The following GFRA1 variants were observed in gnomAD, a reference collection of about 807,000 sequenced individuals.
GFRA1 encodes the protein GDNF family receptor alpha-1.
In GFRA1, 16 loss-of-function variants were observed where a neutral mutation model predicts 51.6. That is an observed-to-expected ratio of 0.31 (90% CI 0.21 to 0.47). The LOEUF is 0.47. Among genes scored for constraint, GFRA1 ranks in the 20% least tolerant of loss-of-function variants. The pLI, the probability that GFRA1 is intolerant of heterozygous loss-of-function variation, is 1.00. For missense variants in GFRA1, 530 were observed against 594.3 expected, an observed-to-expected ratio of 0.89 and a Z score of 1.13; for synonymous variants, 270 against 241.3, an observed-to-expected ratio of 1.12 and a Z score of -1.10.
intron 5 of GFRA1, among the ~76,000 whole-genome samples, chr10:116,206,922 G>A (rs1159517677): frequency 6.6e-6 from 1 of 152,074 alleles, no homozygotes; most frequent in Non-Finnish European, 1.5e-5. Context: ...GTGAGCCACC[G>A]CACCCGGCCT....
chr10:116,168,136 A>G (rs929024468), intron 5 of GFRA1, among the ~76,000 whole-genome samples: 1 of 115,114 alleles, frequency 8.7e-6, no homozygotes, highest in Non-Finnish European at 1.8e-5. Flanking sequence ...ACCTTCAAAA[A>G]CCAGGGAATT....
intron 5 of GFRA1, among the ~76,000 whole-genome samples, chr10:116,200,856 A>C (rs980432978): frequency 6.6e-6 from 1 of 152,198 alleles, no homozygotes; most frequent in Non-Finnish European, 1.5e-5. Context: ...AAAACATTTA[A>C]GTTTATACCA....
chr10:116,188,547 G>A (rs1962946752), intron 5 of GFRA1, among the ~76,000 whole-genome samples: 1 of 152,120 alleles, frequency 6.6e-6, no homozygotes, highest in Admixed American at 6.6e-5. Flanking sequence ...TGGTGGTGAT[G>A]GCTGCACAAC....
intron 5 of GFRA1, among the ~76,000 whole-genome samples, chr10:116,207,708 T>A (rs189816933): frequency 2.2e-4 from 33 of 152,210 alleles, no homozygotes; most frequent in Non-Finnish European, 8.8e-5. Context: ...AAGACACATA[T>A]AGGAATATTT....
rs45568534 is a variant in GFRA1 at position 116,272,222 on chromosome 10, G to C, written c.-193C>G. ...CACCGCCGCCGGCGACTCAGCTCCG[G>C]GATGGCGAGGGCGGGAGGCGGTTCC... On this transcript the variant is annotated 5_prime_UTR_variant, in exon 2 of 11. Coordinates refer to ENST00000355422, the MANE Select transcript of GFRA1 (RefSeq NM_005264.8). The surrounding 1 kb of genome is among the most constrained non-coding windows in gnomAD (Gnocchi z 4.4). 0.025 allele frequency: 15,785 copies of C among 628,662 alleles called. 295 individuals are homozygous for C. The highest frequency in any genetic ancestry group is 0.047 in the Middle Eastern group (109 of 2,342). The allele number at this position is 628,662 out of a possible 1,614,324, so 38.9% of individuals were successfully genotyped here.
intron 5 of GFRA1, among the ~76,000 whole-genome samples, chr10:116,155,517 G>C (rs1959182999): frequency 2.0e-5 from 3 of 152,152 alleles, no homozygotes; most frequent in African/African-American, 7.2e-5. Context: ...CCACAACCCA[G>C]AACAGATACA....
intron 5 of GFRA1, among the ~76,000 whole-genome samples, chr10:116,147,458 T>C (rs1958855236): frequency 6.6e-6 from 1 of 152,102 alleles, no homozygotes; most frequent in Non-Finnish European, 1.5e-5. Flanking sequence ...CCTTTTTTTT[T>C]CCTGGAAGAC....
intron 5 of GFRA1, among the ~76,000 whole-genome samples, chr10:116,160,310 A>G (rs931651405): frequency 6.6e-6 from 1 of 152,284 alleles, no homozygotes; most frequent in Non-Finnish European, 1.5e-5. Context: ...TTGTCAAATT[A>G]TACTCCAAAA....
rs1186423297 is a variant in GFRA1 at position 116,063,480 on chromosome 10, T to C, written c.*918A>G. 2.0e-5 allele frequency: 3 copies of C among 152,160 alleles called. No individual in the cohort carries two copies. The highest frequency in any genetic ancestry group is 4.4e-5 in the Non-Finnish European group (3 of 68,034). 9.4% of individuals were successfully genotyped at this position (152,160 alleles called of 1,614,324 possible). A position where few individuals can be genotyped will look rare whatever the true frequency, so the allele number is the denominator to read the frequency against. ...GCTCTGTGTATTTTGTATTAAACCA[T>C]CAGTAAAAAAATGAGACAATATCAT... On this transcript the variant is annotated 3_prime_UTR_variant, in exon 11 of 11. Transcript: ENST00000355422.
At chr10:116,079,472 T>C (rs1955757603) in intron 9 of GFRA1, among the ~76,000 whole-genome samples, 1 of 148,890 alleles carries the variant, frequency 6.7e-6, no homozygotes, top group Admixed American at 6.6e-5. Flanking sequence ...AAAGCCCCCA[T>C]TTTCCTTGTT....
At chr10:116,106,479 C>G (rs1409757858) in intron 6 of GFRA1, among the ~76,000 whole-genome samples, 1 of 152,220 alleles carries the variant, frequency 6.6e-6, no homozygotes, top group Admixed American at 6.5e-5. Context: ...AAATCTCACG[C>G]TGAAACGTGA....
chr10:116,134,152 G>C (rs1958221616), intron 5 of GFRA1, among the ~76,000 whole-genome samples: 1 of 152,190 alleles, frequency 6.6e-6, no homozygotes, highest in Admixed American at 6.5e-5. Flanking sequence ...GATTTACGAA[G>C]CAAAAATTCA....
At chr10:116,128,604 T>C (rs1251380949) in intron 5 of GFRA1, among the ~76,000 whole-genome samples, 2 of 151,832 alleles carry the variant, frequency 1.3e-5, no homozygotes, top group Non-Finnish European at 2.9e-5. Context: ...CGGGCGCCTG[T>C]AGTCCCAGCT....
At chr10:116,065,688 C>G in intron 9 of GFRA1, 62 bp from the exon 10 acceptor site, 1 of 1,308,194 alleles carries the variant, frequency 7.6e-7, no homozygotes, top group Non-Finnish European at 1.1e-6. Flanking sequence ...ACTGATGATC[C>G]ATCAGTCAGC....
chr10:116,199,011 T>C (rs60900338), intron 5 of GFRA1, among the ~76,000 whole-genome samples: 5,976 of 152,218 alleles, frequency 0.039, 392 homozygotes, highest in African/African-American at 0.13. Context: ...ATGGGAGTGA[T>C]GCAGCCACAG....
Position 116,093,853 on chromosome 10 carries a change from A to G in GFRA1, c.881-17T>C. The G allele has an allele frequency of 1.2e-6, 2 of 1,613,184 alleles. No homozygotes were observed. The highest frequency in any genetic ancestry group is 2.2e-5 in the South Asian group (2 of 91,054). The stretch of plus-strand genomic sequence containing the variant: ...TGACTGTGCCTAAAAGAATAAAAAC[A>G]AGGCATTTTATTGTTGTATGATGAT... On this transcript the variant is annotated splice_polypyrimidine_tract_variant and intron_variant, in intron 7 of 10. Coordinates refer to ENST00000355422, the MANE Select transcript of GFRA1 (RefSeq NM_005264.8).
intron 9 of GFRA1, among the ~76,000 whole-genome samples, chr10:116,080,959 C>G (rs929547429): frequency 3.3e-5 from 5 of 152,238 alleles, no homozygotes; most frequent in African/African-American, 9.7e-5. Context: ...AAGGGGGCGA[C>G]ATGCCCTAAT....
chr10:116,149,718 A>G (rs993980602), intron 5 of GFRA1, among the ~76,000 whole-genome samples: 5 of 152,202 alleles, frequency 3.3e-5, no homozygotes, highest in Admixed American at 1.3e-4. Context: ...GAATTGATGT[A>G]GGACTTTCCC....
chr10:116,158,370 C>A (rs1414951314), intron 5 of GFRA1, among the ~76,000 whole-genome samples: 2 of 152,108 alleles, frequency 1.3e-5, no homozygotes, highest in African/African-American at 2.4e-5. Context: ...GGCATAGTGC[C>A]TAGCTCAAAA....
Sources: gnomAD v4.1 joint callset for allele counts (sites outside exome capture counted in the v4.1 genomes callset) on GRCh38, gnomAD v4.1.1 for gene constraint, Gnocchi (gnomAD v3.1) non-coding constraint, MANE v1.5 for transcripts, NCBI Gene and HGNC (gene_info 2026-07-23, HGNC 2026-07-21) for gene names.